Variants in EIF4E1B observed in about 807,000 individuals in gnomAD.
The protein encoded by EIF4E1B is eukaryotic translation initiation factor 4E type 1B.
In EIF4E1B, 22 loss-of-function variants were observed where a neutral mutation model predicts 31.3. The ratio of observed to expected loss-of-function variants is 0.70; its 90% confidence interval spans 0.50 to 1.00. The LOEUF (loss-of-function observed/expected upper bound fraction) is 1.00, where lower values mean the gene tolerates loss of function less well. EIF4E1B is among the 50% of genes least tolerant of loss of function. The pLI is 0.00. For synonymous variants in EIF4E1B, 126 were observed against 120.2 expected (o/e 1.05, Z -0.31); for missense variants, 290 against 311.6 (o/e 0.93, Z 0.52).
chr5:176,639,816 T>G (rs911577386), intron 1 of EIF4E1B, among the ~76,000 whole-genome samples: 1 of 151,888 alleles, frequency 6.6e-6, no homozygotes, highest in African/African-American at 2.4e-5. Flanking sequence ...AGTCCCAGTT[T>G]CTCGGGAGGC....
At chr5:176,635,944 G>A (rs1482659232) in intron 1 of EIF4E1B, among the ~76,000 whole-genome samples, 2 of 152,068 alleles carry the variant, frequency 1.3e-5, no homozygotes, top group Non-Finnish European at 2.9e-5. Context: ...AGCCTCCTGA[G>A]TAGCTGGAAC....
Position 176,643,163 on chromosome 5 carries a change from GAA to G in EIF4E1B, c.100_101del (p.Lys34ValfsTer42), listed in dbSNP as rs1336636541. ...EEAAERTPTG[E>X]KSPNSPRTLL... The stretch of plus-strand genomic sequence containing the variant: ...GGCAGCAGAGAGGACGCCCACAGGA[GAA>G]AAGTCTCCAAACTCTCCCAGGACTT... On this transcript the variant is annotated frameshift_variant, in exon 4 of 9. Coordinates refer to ENST00000318682, the MANE Select transcript of EIF4E1B (RefSeq NM_001099408.2). LOFTEE classifies it high-confidence loss of function. 4 of 1,613,872 alleles carry G rather than the reference GAA, an allele frequency of 2.5e-6. No homozygotes were observed. The highest frequency in any genetic ancestry group is 1.1e-5 in the South Asian group (1 of 91,090).
At chr5:176,644,028 A>G (rs1760646020) in intron 5 of EIF4E1B, 1 of 553,964 alleles carries the variant, frequency 1.8e-6, no homozygotes. Context: ...TCAGCTGCAA[A>G]GGGAGGACTC....
At chr5:176,643,383 G>A in intron 4 of EIF4E1B, 117 bp downstream of exon 4, 1 of 1,317,694 alleles carries the variant, frequency 7.6e-7, no homozygotes. Flanking sequence ...TCCGTGGGAG[G>A]CCAGGGCTGA....
Position 176,643,735 on chromosome 5 carries a change from G to A in EIF4E1B, c.296+1G>A, listed in dbSNP as rs557333631. 28 of 1,610,982 alleles carry A rather than the reference G, an allele frequency of 1.7e-5. No homozygotes were observed. Among genetic ancestry groups the A allele is most frequent in the Middle Eastern group, 1.6e-4 (1 of 6,078 alleles). ...TGGACACTGTGGAGGACTTCTGGGC[G>A]TGAGTGTCTGTCCCCAGTGGGGCTA... On this transcript the variant is annotated splice_donor_variant, in intron 5 of 8. Transcript: ENST00000318682. LOFTEE classifies it high-confidence loss of function.
intron 1 of EIF4E1B, among the ~76,000 whole-genome samples, chr5:176,634,664 T>A (rs1286298509): frequency 7.3e-6 from 1 of 137,838 alleles, no homozygotes; most frequent in Non-Finnish European, 1.6e-5. Context: ...CTGAAGTTTT[T>A]TTTTTTTTCT....
At position 176,645,196 on chromosome 5, in the gene EIF4E1B, G is replaced by A. The variant is rs1338494487; in HGVS notation, c.427G>A (p.Ala143Thr). The A allele has an allele frequency of 1.9e-6, 3 of 1,586,556 alleles. No individual in the cohort carries two copies. The highest frequency in any genetic ancestry group is 1.8e-5 in the Admixed American group (1 of 55,154). Reference protein sequence around the residue: ...KRGGRWLVSLAKQQRHIELDR... With the variant: ...KRGGRWLVSLTKQQRHIELDR... ...GGGTGGCCGCTGGCTGGTCAGCCTGGCCAAGCAGCAGCGCCACATTGAGCT... is the reference window on the plus strand; with the variant it reads ...GGGTGGCCGCTGGCTGGTCAGCCTGACCAAGCAGCAGCGCCACATTGAGCT... Residue 143 changes from alanine to threonine, a missense_variant, in exon 7 of 9, where the codon GCC becomes ACC. Coordinates refer to ENST00000318682, the MANE Select transcript of EIF4E1B (RefSeq NM_001099408.2). This position sits in a 1 kb window ranked among gnomAD's most constrained non-coding sequence, Gnocchi z 5.4.
chr5:176,643,985 C>T, intron 5 of EIF4E1B: 2 of 573,366 alleles, frequency 3.5e-6, no homozygotes, highest in Non-Finnish European at 6.2e-6. Context: ...GCTTTGTGAC[C>T]TGGGCAAGTT....
chr5:176,640,134 G>A lies in EIF4E1B; in HGVS notation c.-201-1909G>A, dbSNP rs114768364. ...AGGCCTTAAGAAACTGGCAGCTTCT[G>A]CTTCCTGTCTCTTGGGATGCTTGCT... On this transcript the variant is annotated intron_variant, in intron 1 of 8. Coordinates refer to ENST00000318682, the MANE Select transcript of EIF4E1B (RefSeq NM_001099408.2). Among the ~76,000 whole-genome samples the A allele has an allele frequency of 3.0e-3, 456 of 152,342 alleles. 3 individuals are homozygous for A. Among genetic ancestry groups the A allele is most frequent in the African/African-American group, 0.011 (442 of 41,580 alleles).
rs142244337 is a variant in EIF4E1B, at chr5:176,639,417, G to A, written c.-201-2626G>A. Among the ~76,000 whole-genome samples the A allele has an allele frequency of 2.0e-4, 31 of 152,260 alleles. No homozygotes were observed. In the East Asian group the frequency reaches 5.0e-3, roughly 25 times the overall value. On this transcript the variant is annotated intron_variant, in intron 1 of 8. Transcript: ENST00000318682. ...AGCGAGGGGCCAGGATGCCTGTAGC[G>A]CCAGGGGGGTTGCTCTTAAGGTCTC...
At chr5:176,634,712 C>A (rs1005563851) in intron 1 of EIF4E1B, among the ~76,000 whole-genome samples, 1 of 149,170 alleles carries the variant, frequency 6.7e-6, no homozygotes, top group South Asian at 2.1e-4. Flanking sequence ...CTGTGATGCC[C>A]AGGCTAGAGT....
intron 1 of EIF4E1B, among the ~76,000 whole-genome samples, chr5:176,632,198 T>C (rs1581182439): frequency 2.0e-5 from 3 of 152,380 alleles, no homozygotes; most frequent in South Asian, 4.1e-4. Flanking sequence ...ATATACATTA[T>C]ACACAGACAC....
At chr5:176,634,228 C>T (rs543322014) in intron 1 of EIF4E1B, among the ~76,000 whole-genome samples, 43 of 152,210 alleles carry the variant, frequency 2.8e-4, no homozygotes, top group Admixed American at 2.2e-3. Flanking sequence ...ACTAGGGTAT[C>T]TGAGCCCAGA....
chr5:176,636,748 C>T (rs1273289822), intron 1 of EIF4E1B, among the ~76,000 whole-genome samples: 3 of 152,260 alleles, frequency 2.0e-5, no homozygotes, highest in African/African-American at 7.2e-5. Flanking sequence ...TCACGACGTC[C>T]TCACGGCAAT....
intron 1 of EIF4E1B, among the ~76,000 whole-genome samples, chr5:176,635,031 G>A (rs1183806704): frequency 2.0e-5 from 3 of 152,038 alleles, no homozygotes; most frequent in African/African-American, 7.2e-5. Flanking sequence ...CACTGGGTTT[G>A]GAGTCATTAG....
rs372956251 is a variant in EIF4E1B, at chr5:176,643,219, G to T, written c.153G>T (p.Thr51=). 3 of 1,612,984 alleles carry T rather than the reference G, an allele frequency of 1.9e-6. No homozygotes were observed. The highest frequency in any genetic ancestry group is 1.3e-5 in the African/African-American group (1 of 74,910). The change falls in exon 4 of 9, where the codon ACG becomes ACT. Residue 51 remains threonine (T), a synonymous_variant. Coordinates refer to ENST00000318682, the MANE Select transcript of EIF4E1B (RefSeq NM_001099408.2). ...TLLSLRGKAR[T]GGPMEVKLEL... ...TGTCTCTGAGAGGGAAGGCCCGGAC[G>T]GGGGGCCCCATGGAAGTCAAGCTGG...
chr5:176,645,414 G>A lies in EIF4E1B; in HGVS notation c.512G>A (p.Ser171Asn). The A allele has an allele frequency of 6.6e-7, 1 of 1,523,072 alleles. No individual in the cohort carries two copies. The highest frequency in any genetic ancestry group is 8.8e-7 in the Non-Finnish European group (1 of 1,134,338). 94.3% of individuals were successfully genotyped at this position (1,523,072 alleles called of 1,614,324 possible). ...ATCGGGGAGAGCTTTGAGGAACACA[G>A]CAGAGAGGTATGTGGGGCCGTCGTC... The part of the protein sequence containing the change: ...CLIGESFEEH[S>N]REVCGAVVNI... The change falls in exon 8 of 9, where the codon AGC becomes AAC. Residue 171 changes from serine (S) to asparagine (N), a missense_variant. Ser to Asn is a conservative substitution (Grantham distance 46). Coordinates refer to ENST00000318682, the MANE Select transcript of EIF4E1B (RefSeq NM_001099408.2). The surrounding 1 kb of genome is among the most constrained non-coding windows in gnomAD (Gnocchi z 5.4).
intron 1 of EIF4E1B, among the ~76,000 whole-genome samples, chr5:176,640,587 GGAC>G (rs1760557088): frequency 6.6e-6 from 1 of 152,088 alleles, no homozygotes; most frequent in South Asian, 2.1e-4. Context: ...TCTGTCACCT[GGAC>G]GACTACATTA....
chr5:176,641,958 G>A (rs570992661), intron 1 of EIF4E1B, 85 bp from the exon 2 acceptor site: 2 of 152,616 alleles, frequency 1.3e-5, no homozygotes, highest in South Asian at 2.1e-4. Context: ...GCCAGGCCTT[G>A]TTCTACGGGT....
Sources: allele counts gnomAD v4.1 joint callset (sites outside exome capture counted in the v4.1 genomes callset), GRCh38; gene constraint gnomAD v4.1.1; non-coding constraint Gnocchi (gnomAD v3.1); transcripts MANE v1.5; gene names NCBI Gene and HGNC (gene_info 2026-07-23, HGNC 2026-07-21).